FBXO4: variants seen among roughly 807,000 people sequenced by gnomAD.
The protein encoded by FBXO4 is F-box only protein 4.
FBXO4 carries 36 observed loss-of-function variants against 43.7 expected under a neutral mutation model. That is an observed-to-expected ratio of 0.82 (90% confidence interval 0.63 to 1.09). FBXO4 has a LOEUF of 1.09. Ranked by LOEUF, FBXO4 falls within the 50% of genes least tolerant of loss-of-function variation. The probability of loss-of-function intolerance (pLI) is 0.00; values close to 1 mark genes in which losing one functional copy is unlikely to be tolerated. For missense variants in FBXO4, 435 were observed against 474.1 expected, an observed-to-expected ratio of 0.92 and a Z score of 0.77; for synonymous variants, 180 against 165.6, an observed-to-expected ratio of 1.09 and a Z score of -0.67.
chr5:41,957,200 G>A, the FBXO4 span, among the ~76,000 whole-genome samples: 8 of 151,742 alleles, frequency 5.3e-5, 1 homozygote, highest in Middle Eastern at 0.02. Flanking sequence ...ATTTATTCTG[G>A]TCTATTCTAT....
the FBXO4 span, among the ~76,000 whole-genome samples, chr5:41,948,537 C>T: frequency 3.3e-5 from 5 of 151,890 alleles, no homozygotes; most frequent in African/African-American, 7.3e-5. Context: ...TTACATATAA[C>T]GAATGAACGT....
chr5:42,029,279 C>T, the FBXO4 span, among the ~76,000 whole-genome samples: 1 of 152,168 alleles, frequency 6.6e-6, no homozygotes, highest in African/African-American at 2.4e-5. Flanking sequence ...CTCTCCTGGC[C>T]TGTAATGTTT....
At chr5:41,997,013 A>T in the FBXO4 span, among the ~76,000 whole-genome samples, 23 of 152,268 alleles carry the variant, frequency 1.5e-4, no homozygotes, top group Non-Finnish European at 1.0e-4. Context: ...TCTGAATAAG[A>T]TTATGACACA....
chr5:42,014,967 CTA>C, the FBXO4 span, among the ~76,000 whole-genome samples: 2 of 152,056 alleles, frequency 1.3e-5, no homozygotes, highest in African/African-American at 4.8e-5. Context: ...AGAATATAAT[CTA>C]TATTAATAAA....
the FBXO4 span, among the ~76,000 whole-genome samples, chr5:41,954,169 T>C: frequency 6.6e-6 from 1 of 152,096 alleles, no homozygotes; most frequent in Non-Finnish European, 1.5e-5. Context: ...TTTCGAATAC[T>C]ACAGAGGAAG....
the FBXO4 span, among the ~76,000 whole-genome samples, chr5:41,988,769 A>T: frequency 6.6e-6 from 1 of 152,266 alleles, no homozygotes; most frequent in Non-Finnish European, 1.5e-5. Context: ...ATTTTGGTTT[A>T]TTCAGCTTTT....
At chr5:42,028,801 AAAAAG>A in the FBXO4 span, among the ~76,000 whole-genome samples, 1 of 151,650 alleles carries the variant, frequency 6.6e-6, no homozygotes, top group Non-Finnish European at 1.5e-5. Flanking sequence ...ACAAACAAAC[AAAAAG>A]AAAACTAAAA....
rs555482656 is a variant in FBXO4 at position 41,940,436 on chromosome 5, A to G, written c.1075-756A>G. Among the ~76,000 whole-genome samples the G allele has an allele frequency of 2.0e-5, 3 of 151,786 alleles. No homozygotes were observed. In the South Asian group the frequency reaches 6.2e-4, roughly 32 times the overall value. On this transcript the variant is annotated intron_variant, in intron 6 of 6. Transcript: ENST00000281623. The stretch of plus-strand genomic sequence containing the variant: ...GCCACCACACCTGGCTAATTTTTGT[A>G]TTTTTAGTAGAGACAGGGTTTCACC...
chr5:41,964,100 G>T, the FBXO4 span: 11 of 152,126 alleles, frequency 7.2e-5, no homozygotes, highest in African/African-American at 1.4e-4. Context: ...GTTTAATTAT[G>T]AGTAGTAAAC....
the FBXO4 span, chr5:41,951,902 A>T: frequency 3.7e-6 from 1 of 268,086 alleles, no homozygotes; most frequent in Admixed American, 4.3e-5. Flanking sequence ...CATCAACAGG[A>T]GTAGCTCCAA....
At chr5:41,988,562 A>G in the FBXO4 span, among the ~76,000 whole-genome samples, 13,451 of 152,100 alleles carry the variant, frequency 0.088, 821 homozygotes, top group African/African-American at 0.17. Flanking sequence ...GTCTGCATTG[A>G]GACTCCAGCA....
the FBXO4 span, among the ~76,000 whole-genome samples, chr5:41,953,033 A>C: frequency 3.2e-4 from 48 of 151,796 alleles, no homozygotes; most frequent in African/African-American, 1.1e-3. Context: ...TTTAGGGTAC[A>C]TGTGCACAAT....
the FBXO4 span, among the ~76,000 whole-genome samples, chr5:41,964,540 G>A: frequency 6.8e-6 from 1 of 147,586 alleles, no homozygotes; most frequent in Non-Finnish European, 1.5e-5. Flanking sequence ...TTCTTTGGTG[G>A]AAAAGTAACT....
At chr5:41,980,115 CT>C in the FBXO4 span, among the ~76,000 whole-genome samples, 1 of 152,062 alleles carries the variant, frequency 6.6e-6, no homozygotes, top group Non-Finnish European at 1.5e-5. Context: ...TAATTCCAGT[CT>C]TTTTAGGGAA....
chr5:42,002,167 G>A, the FBXO4 span, among the ~76,000 whole-genome samples: 18 of 152,142 alleles, frequency 1.2e-4, no homozygotes, highest in South Asian at 6.2e-4. Flanking sequence ...CTGTAAACAG[G>A]CCACCCAAAG....
the FBXO4 span, among the ~76,000 whole-genome samples, chr5:41,963,374 A>T: frequency 1.3e-5 from 2 of 152,150 alleles, no homozygotes; most frequent in Non-Finnish European, 2.9e-5. Context: ...AATAAGAGTG[A>T]CATTCAAAAC....
chr5:42,011,572 T>C, the FBXO4 span, among the ~76,000 whole-genome samples: 6 of 152,242 alleles, frequency 3.9e-5, no homozygotes, highest in Admixed American at 1.3e-4. Context: ...TGCCTGGCTC[T>C]TACGGATATT....
intron 5 of FBXO4, among the ~76,000 whole-genome samples, chr5:41,938,920 CT>C (rs977117285): frequency 6.7e-6 from 1 of 149,624 alleles, no homozygotes; most frequent in Non-Finnish European, 1.5e-5. Flanking sequence ...AGAAGAGCCG[CT>C]TTTAAGGTCT....
At chr5:41,935,308 AAAGGTTAGTGGT>A (rs1440778302) in intron 5 of FBXO4, among the ~76,000 whole-genome samples, 1 of 152,198 alleles carries the variant, frequency 6.6e-6, no homozygotes, top group African/African-American at 2.4e-5. Flanking sequence ...TGCTCATGTA[AAAGGTTAGTGGT>A]AAGGCAGGAG....
Sources: allele counts gnomAD v4.1 joint callset (sites outside exome capture counted in the v4.1 genomes callset), GRCh38; gene constraint gnomAD v4.1.1; transcripts MANE v1.5; gene names NCBI Gene and HGNC (gene_info 2026-07-23, HGNC 2026-07-21).